SPIDR: variants seen among roughly 807,000 people sequenced by gnomAD.
SPIDR encodes scaffold protein involved in DNA repair, also known as DNA repair-scaffolding protein.
In SPIDR, 93 loss-of-function variants were observed where a neutral mutation model predicts 104.6. The ratio of observed to expected loss-of-function variants is 0.89; its 90% CI spans 0.75 to 1.06. The LOEUF is 1.06. Ranked by LOEUF, SPIDR falls within the 50% of genes least tolerant of loss-of-function variation. The probability of loss-of-function intolerance (pLI) is 0.00; values close to 1 mark genes in which losing one functional copy is unlikely to be tolerated. For synonymous variants in SPIDR, 431 were observed against 416.9 expected (o/e 1.03, Z -0.41); for missense variants, 1,154 against 1,111.2 (o/e 1.04, Z -0.55).
At chr8:47,424,158 A>G (rs558516738) in intron 7 of SPIDR, among the ~76,000 whole-genome samples, 24 of 152,290 alleles carry the variant, frequency 1.6e-4, no homozygotes, top group African/African-American at 5.8e-4. Flanking sequence ...TTTTAGGGGC[A>G]GGTCTGGGCA....
At chr8:47,641,101 G>A (rs2068893707) in intron 10 of SPIDR, among the ~76,000 whole-genome samples, 1 of 151,782 alleles carries the variant, frequency 6.6e-6, no homozygotes, top group South Asian at 2.1e-4. Context: ...TTTTAAATAA[G>A]CAAATGTTAA....
At chr8:47,388,329 C>T (rs1554649539) in intron 5 of SPIDR, 1 of 153,940 alleles carries the variant, frequency 6.5e-6, no homozygotes, top group African/African-American at 2.4e-5. Flanking sequence ...TTAATATTTT[C>T]TCTATTTGGA....
At chr8:47,585,167 G>A (rs2060135304) in intron 8 of SPIDR, among the ~76,000 whole-genome samples, 1 of 152,122 alleles carries the variant, frequency 6.6e-6, no homozygotes, top group South Asian at 2.1e-4. Context: ...AACATAGTAC[G>A]TGAAGTTAAA....
chr8:47,615,608 G>C (rs2064196650), intron 10 of SPIDR, among the ~76,000 whole-genome samples: 1 of 151,626 alleles, frequency 6.6e-6, no homozygotes, highest in Non-Finnish European at 1.5e-5. Context: ...AAGTAGCTGG[G>C]AATACAGGTG....
At chr8:47,525,696 G>T (rs945130826) in intron 8 of SPIDR, among the ~76,000 whole-genome samples, 6 of 151,328 alleles carry the variant, frequency 4.0e-5, no homozygotes, top group Non-Finnish European at 5.9e-5. Context: ...AACTACTCAG[G>T]CAGCTCAGGC....
intron 16 of SPIDR, among the ~76,000 whole-genome samples, chr8:47,718,154 T>C (rs2082840366): frequency 6.6e-6 from 1 of 152,230 alleles, no homozygotes; most frequent in Admixed American, 6.5e-5. Context: ...AAGGTTTGAA[T>C]GGACAGTAAC....
At position 47,673,833 on chromosome 8, in the gene SPIDR, T is replaced by G. The variant is rs1160729508; in HGVS notation, c.1577T>G (p.Met526Arg). 1 of 1,614,158 alleles carries G rather than the reference T, an allele frequency of 6.2e-7. No individual in the cohort carries two copies. Among genetic ancestry groups the G allele is most frequent in the Non-Finnish European group, 8.5e-7 (1 of 1,180,030 alleles). The change falls in exon 11 of 20, where the codon ATG (methionine) becomes AGG (arginine). Residue 526 changes from methionine (M) to arginine (R), a missense_variant. Transcript: ENST00000297423. ...ACLLVQDACG[M>R]FGEVHLEFTM... ...CTTCTGGTACAAGATGCCTGTGGAA[T>G]GTTCGGTGAAGTGCACTTGGAGTTC...
At chr8:47,503,695 T>C (rs10086266) in intron 8 of SPIDR, among the ~76,000 whole-genome samples, 4,631 of 152,276 alleles carry the variant, frequency 0.03, 239 homozygotes, top group African/African-American at 0.1. Flanking sequence ...AGGTGGTTAT[T>C]TTGCTCATTA....
intron 8 of SPIDR, among the ~76,000 whole-genome samples, chr8:47,536,690 C>T (rs981304297): frequency 6.6e-6 from 1 of 152,088 alleles, no homozygotes; most frequent in Non-Finnish European, 1.5e-5. Flanking sequence ...ATCTAGATGA[C>T]TTTAAGTTTG....
intron 5 of SPIDR, among the ~76,000 whole-genome samples, chr8:47,346,693 G>A (rs565469814): frequency 8.5e-5 from 13 of 152,284 alleles, no homozygotes; most frequent in East Asian, 1.9e-4. Flanking sequence ...TCTTGGGAGG[G>A]TGTATGTTTG....
At chr8:47,718,751 G>T (rs979554318) in intron 16 of SPIDR, among the ~76,000 whole-genome samples, 5 of 152,216 alleles carry the variant, frequency 3.3e-5, no homozygotes, top group African/African-American at 1.2e-4. Context: ...TCTTGGCCAA[G>T]CAATGGCAGG....
intron 10 of SPIDR, among the ~76,000 whole-genome samples, chr8:47,646,280 G>A (rs2070338832): frequency 6.6e-6 from 1 of 152,120 alleles, no homozygotes; most frequent in Non-Finnish European, 1.5e-5. Flanking sequence ...GTGAGGCTGA[G>A]GGGCAATAAA....
At chr8:47,451,886 G>A (rs556961697) in intron 8 of SPIDR, among the ~76,000 whole-genome samples, 31 of 152,192 alleles carry the variant, frequency 2.0e-4, no homozygotes, top group Admixed American at 3.9e-4. Context: ...GTGATCAAGC[G>A]CAGCAATTAG....
At chr8:47,300,878 A>G (rs1339214036) in intron 5 of SPIDR, among the ~76,000 whole-genome samples, 3 of 152,134 alleles carry the variant, frequency 2.0e-5, no homozygotes, top group African/African-American at 7.2e-5. Context: ...ATATGTGGTC[A>G]ATTTGGAATA....
At chr8:47,613,895 G>A (rs1015960929) in intron 10 of SPIDR, among the ~76,000 whole-genome samples, 3 of 152,022 alleles carry the variant, frequency 2.0e-5, no homozygotes, top group East Asian at 1.9e-4. Flanking sequence ...GGTTACATGT[G>A]CAGGATGTGC....
chr8:47,549,219 G>A (rs969463320), intron 8 of SPIDR, among the ~76,000 whole-genome samples: 1 of 152,114 alleles, frequency 6.6e-6, no homozygotes, highest in Non-Finnish European at 1.5e-5. Flanking sequence ...GAATATTGCT[G>A]CAATAAACAT....
intron 8 of SPIDR, among the ~76,000 whole-genome samples, chr8:47,484,854 C>T (rs562935477): frequency 7.9e-5 from 12 of 152,250 alleles, no homozygotes; most frequent in African/African-American, 2.4e-4. Context: ...GAAACAGATC[C>T]AGACCCGGAC....
intron 8 of SPIDR, chr8:47,547,974 A>C (rs1564294937): frequency 6.5e-6 from 1 of 154,648 alleles, no homozygotes; most frequent in Non-Finnish European, 1.5e-5. Flanking sequence ...AGCCCTATAA[A>C]ATTCCCTCTC....
intron 8 of SPIDR, among the ~76,000 whole-genome samples, chr8:47,500,287 C>T (rs530930085): frequency 2.9e-4 from 44 of 152,310 alleles, no homozygotes; most frequent in African/African-American, 1.0e-3. Context: ...TATTTCTCTA[C>T]ATCCTCTCCA....
Sources: gnomAD v4.1 joint callset for allele counts (sites outside exome capture counted in the v4.1 genomes callset) on GRCh38, gnomAD v4.1.1 for gene constraint, MANE v1.5 for transcripts, NCBI Gene and HGNC (gene_info 2026-07-23, HGNC 2026-07-21) for gene names.